Variants in PHACTR1 observed in about 807,000 individuals in gnomAD.
PHACTR1 encodes phosphatase and actin regulator 1.
PHACTR1 carries 16 observed loss-of-function variants against 69.2 expected under a neutral mutation model. That is an observed-to-expected ratio of 0.23 (90% CI 0.16 to 0.35). The LOEUF (loss-of-function observed/expected upper bound fraction) is 0.35. PHACTR1 is among the 10% of genes least tolerant of loss of function. PHACTR1 has a pLI of 1.00. For missense variants in PHACTR1, 510 were observed against 734.7 expected, an observed-to-expected ratio of 0.69 and a Z score of 3.54; for synonymous variants, 312 against 284.5, an observed-to-expected ratio of 1.10 and a Z score of -0.97.
intron 11 of PHACTR1, among the ~76,000 whole-genome samples, chr6:13,276,500 G>A (rs895264707): frequency 2.6e-5 from 4 of 152,220 alleles, no homozygotes; most frequent in African/African-American, 7.2e-5. Flanking sequence ...GGCCGGGCGC[G>A]GTGGCTCACG....
chr6:13,149,212 C>G (rs891969242), intron 5 of PHACTR1, among the ~76,000 whole-genome samples: 5 of 152,242 alleles, frequency 3.3e-5, no homozygotes, highest in East Asian at 1.9e-4. Context: ...GGCTTTTTCT[C>G]AGAGCACCAG....
intron 4 of PHACTR1, among the ~76,000 whole-genome samples, chr6:12,955,467 A>G (rs1345799707): frequency 6.6e-6 from 1 of 152,130 alleles, no homozygotes; most frequent in Non-Finnish European, 1.5e-5. Context: ...CTGGGATTAC[A>G]GGATTGAGCC....
At chr6:13,124,907 G>A (rs755725881) in intron 5 of PHACTR1, among the ~76,000 whole-genome samples, 1 of 152,144 alleles carries the variant, frequency 6.6e-6, no homozygotes, top group Non-Finnish European at 1.5e-5. Context: ...TTAAATATAG[G>A]AATTTGAGAG....
At chr6:12,724,194 G>A (rs1362285161) in intron 3 of PHACTR1, among the ~76,000 whole-genome samples, 2 of 152,086 alleles carry the variant, frequency 1.3e-5, no homozygotes, top group East Asian at 3.9e-4. Context: ...GGGTGTGGTG[G>A]TGGGCACCTG....
chr6:13,065,522 A>C (rs1408644091), intron 5 of PHACTR1, among the ~76,000 whole-genome samples: 1 of 152,072 alleles, frequency 6.6e-6, no homozygotes, highest in Non-Finnish European at 1.5e-5. Context: ...CGTAGCTGGG[A>C]TTTAGATAGC....
intron 5 of PHACTR1, among the ~76,000 whole-genome samples, chr6:13,107,734 C>T (rs1317215563): frequency 6.6e-6 from 1 of 151,990 alleles, no homozygotes; most frequent in Non-Finnish European, 1.5e-5. Context: ...TCTTCCATTC[C>T]TGATATTCAT....
intron 5 of PHACTR1, among the ~76,000 whole-genome samples, chr6:13,133,230 C>A (rs1820788688): frequency 1.8e-5 from 1 of 56,564 alleles, no homozygotes; most frequent in South Asian, 1.4e-3. Flanking sequence ...TCCCCCTCCC[C>A]CTCTCCCTCT....
At chr6:13,152,270 G>A (rs1824427751) in intron 5 of PHACTR1, among the ~76,000 whole-genome samples, 1 of 152,020 alleles carries the variant, frequency 6.6e-6, no homozygotes, top group Non-Finnish European at 1.5e-5. Context: ...GGAGGTGGAG[G>A]TGGCAGTGTG....
At chr6:12,738,694 C>G (rs1450469650) in intron 3 of PHACTR1, among the ~76,000 whole-genome samples, 1 of 152,136 alleles carries the variant, frequency 6.6e-6, no homozygotes, top group African/African-American at 2.4e-5. Flanking sequence ...GAAACCCTGT[C>G]TCTACCAAAA....
chr6:13,212,711 CACATTCTCGG>C (rs1354777343), intron 8 of PHACTR1, among the ~76,000 whole-genome samples: 2 of 151,172 alleles, frequency 1.3e-5, no homozygotes, highest in African/African-American at 2.5e-5. Context: ...ACCATTCTCG[CACATTCTCGG>C]ACATTCTCGG....
rs935094709 is a variant in PHACTR1 at position 13,283,742 on chromosome 6, C to T, written c.1650+180C>T. ...CCACAGATAATCTGCGGAAAGGCTG[C>T]TGAATCGGAGAAAACACAAGGCACA... On this transcript the variant is annotated intron_variant, in intron 13 of 14. Coordinates refer to ENST00000332995, the MANE Select transcript of PHACTR1 (RefSeq NM_030948.6). The surrounding 1 kb of genome is among the most constrained non-coding windows in gnomAD (Gnocchi z 4.7). 1.7e-5 allele frequency: 15 copies of T among 861,618 alleles called. No homozygotes were observed. In the African/African-American group the frequency reaches 2.4e-4, roughly 14 times the overall value. The allele number at this position is 861,618 out of a possible 1,614,324, so 53.4% of individuals were successfully genotyped here.
chr6:12,936,682 G>C (rs756972476), intron 4 of PHACTR1, among the ~76,000 whole-genome samples: 1 of 152,242 alleles, frequency 6.6e-6, no homozygotes, highest in African/African-American at 2.4e-5. Context: ...TGAAGAAATA[G>C]CATCTATAGG....
At chr6:13,110,932 T>G (rs76865116) in intron 5 of PHACTR1, among the ~76,000 whole-genome samples, 1 of 152,124 alleles carries the variant, frequency 6.6e-6, no homozygotes, top group Non-Finnish European at 1.5e-5. Flanking sequence ...TTTTTTGTTT[T>G]TTTTCCTTTT....
intron 4 of PHACTR1, among the ~76,000 whole-genome samples, chr6:12,804,552 G>A (rs1398637489): frequency 2.0e-5 from 3 of 152,190 alleles, no homozygotes; most frequent in Non-Finnish European, 4.4e-5. Context: ...ATCAGGCTGG[G>A]CCCAGTGGCT....
chr6:12,751,394 G>A (rs1210545805), intron 4 of PHACTR1, among the ~76,000 whole-genome samples: 1 of 152,148 alleles, frequency 6.6e-6, no homozygotes, highest in Non-Finnish European at 1.5e-5. Flanking sequence ...ATGGTTGTGA[G>A]GGGTCTCACA....
At chr6:13,055,602 G>A (rs948830809) in intron 5 of PHACTR1, among the ~76,000 whole-genome samples, 1 of 152,146 alleles carries the variant, frequency 6.6e-6, no homozygotes, top group African/African-American at 2.4e-5. Context: ...CACACATTTC[G>A]GTAATTGTCA....
At chr6:12,773,307 T>C (rs1229384733) in intron 4 of PHACTR1, among the ~76,000 whole-genome samples, 1 of 151,868 alleles carries the variant, frequency 6.6e-6, no homozygotes, top group African/African-American at 2.4e-5. Context: ...CATTTGGGAG[T>C]TGCCCCTTGT....
At chr6:12,919,479 T>A (rs958801627) in intron 4 of PHACTR1, among the ~76,000 whole-genome samples, 1 of 152,166 alleles carries the variant, frequency 6.6e-6, no homozygotes, top group Non-Finnish European at 1.5e-5. Flanking sequence ...CACAATCACA[T>A]TGGATGTGCA....
intron 3 of PHACTR1, among the ~76,000 whole-genome samples, chr6:12,723,475 G>C (rs975231438): frequency 6.8e-6 from 1 of 147,778 alleles, no homozygotes; most frequent in African/African-American, 2.5e-5. Context: ...TGGAATCCTT[G>C]TTTTGGCCTT....
Sources: allele counts gnomAD v4.1 joint callset (sites outside exome capture counted in the v4.1 genomes callset), GRCh38; gene constraint gnomAD v4.1.1; non-coding constraint Gnocchi (gnomAD v3.1); transcripts MANE v1.5; gene names NCBI Gene and HGNC (gene_info 2026-07-23, HGNC 2026-07-21).